CYB5R4: variants seen among roughly 807,000 people sequenced by gnomAD.
CYB5R4 encodes cytochrome b5 reductase 4, also known as N-terminal cytochrome b5 and cytochrome b5 oxidoreductase domain-containing protein.
In CYB5R4, 55 loss-of-function variants were observed where a neutral mutation model predicts 70.2. The observed-to-expected ratio is 0.78, with a 90% CI of 0.63 to 0.98. CYB5R4 has a LOEUF of 0.98. Ranked by LOEUF, CYB5R4 falls within the 50% of genes least tolerant of loss-of-function variation. The probability of loss-of-function intolerance (pLI) is 0.00; values close to 1 mark genes in which losing one functional copy is unlikely to be tolerated. For synonymous variants in CYB5R4, 197 were observed against 199.5 expected, an observed-to-expected ratio of 0.99 and a Z score of 0.11; for missense variants, 562 against 612.6, an observed-to-expected ratio of 0.92 and a Z score of 0.87.
intron 2 of CYB5R4, among the ~76,000 whole-genome samples, chr6:83,889,513 GT>G (rs1262132511): frequency 6.6e-6 from 1 of 152,138 alleles, no homozygotes; most frequent in East Asian, 1.9e-4. Flanking sequence ...TTATAGCATG[GT>G]TTACTGAATA....
chr6:83,893,805 A>C (rs2099461476), intron 3 of CYB5R4, among the ~76,000 whole-genome samples, 183 bp downstream of exon 3: 1 of 152,164 alleles, frequency 6.6e-6, no homozygotes, highest in African/African-American at 2.4e-5. Flanking sequence ...TGAGTTATTA[A>C]AATTTTAGAG....
At chr6:83,883,605 C>T (rs2099459796) in intron 2 of CYB5R4, among the ~76,000 whole-genome samples, 1 of 151,950 alleles carries the variant, frequency 6.6e-6, no homozygotes, top group Non-Finnish European at 1.5e-5. Context: ...TTCAGATAAA[C>T]CAAAACTGGA....
intron 3 of CYB5R4, among the ~76,000 whole-genome samples, chr6:83,894,255 C>G (rs1030710771): frequency 2.6e-5 from 4 of 152,158 alleles, no homozygotes; most frequent in Admixed American, 1.3e-4. Context: ...GTTGATTACT[C>G]TCAGTAATTC....
Position 83,859,710 on chromosome 6 carries a change from A to G in CYB5R4, c.-73A>G, listed in dbSNP as rs534742685. The stretch of plus-strand genomic sequence containing the variant: ...TCGGGGGCTTGGCCTCTGCCCGGCC[A>G]CAGAGCCGGAGCTGGAGGTGCTGTC... On this transcript the variant is annotated 5_prime_UTR_variant, in exon 1 of 16. Transcript: ENST00000369681. The G allele has an allele frequency of 7.1e-6, 11 of 1,543,032 alleles. No homozygotes were observed. Among genetic ancestry groups the G allele is most frequent in the Non-Finnish European group, 9.8e-6 (11 of 1,126,162 alleles).
intron 2 of CYB5R4, among the ~76,000 whole-genome samples, chr6:83,877,469 A>G (rs1402494186): frequency 1.3e-5 from 2 of 149,936 alleles, no homozygotes; most frequent in Non-Finnish European, 3.0e-5. Flanking sequence ...GGGCATCTGC[A>G]TCTGGTGAGG....
At chr6:83,907,534 G>A (rs2099463991) in intron 3 of CYB5R4, among the ~76,000 whole-genome samples, 1 of 151,372 alleles carries the variant, frequency 6.6e-6, no homozygotes, top group African/African-American at 2.4e-5. Flanking sequence ...TTGTTATATA[G>A]GTAAACTCAT....
At chr6:83,867,747 C>G (rs934007101) in intron 2 of CYB5R4, among the ~76,000 whole-genome samples, 4 of 152,216 alleles carry the variant, frequency 2.6e-5, no homozygotes, top group African/African-American at 9.6e-5. Context: ...CACAGCATGA[C>G]TCAGCGGGTT....
chr6:83,959,712 A>G, intron 15 of CYB5R4, 112 bp from the exon 16 acceptor site: 2 of 895,456 alleles, frequency 2.2e-6, no homozygotes, highest in South Asian at 1.7e-5. Context: ...AAAAAACTAC[A>G]TAGTGAATGG....
rs369486542 is a variant in CYB5R4 at position 83,880,386 on chromosome 6, G to A, written c.230-13136G>A. Among the ~76,000 whole-genome samples the A allele has an allele frequency of 7.2e-5, 11 of 152,124 alleles. No individual in the cohort carries two copies. In the South Asian group the frequency reaches 8.3e-4, roughly 11 times the overall value. On this transcript the variant is annotated intron_variant, in intron 2 of 15. Coordinates refer to ENST00000369681, the MANE Select transcript of CYB5R4 (RefSeq NM_016230.4). ...GCCATCCAGGTGACTAACAGCAAAG[G>A]TAGTTAAGTGCTGCTAACTGTCACT...
At chr6:83,873,075 A>G (rs2099457902) in intron 2 of CYB5R4, among the ~76,000 whole-genome samples, 2 of 152,092 alleles carry the variant, frequency 1.3e-5, no homozygotes, top group South Asian at 4.2e-4. Flanking sequence ...GTTTTACTAT[A>G]TTCAGCTCTA....
chr6:83,936,901 C>G (rs1223868231), intron 12 of CYB5R4, among the ~76,000 whole-genome samples: 1 of 152,216 alleles, frequency 6.6e-6, no homozygotes, highest in Non-Finnish European at 1.5e-5. Flanking sequence ...ATTTGTCATC[C>G]TCATTCACAG....
intron 14 of CYB5R4, among the ~76,000 whole-genome samples, chr6:83,954,913 G>GA (rs1240643580): frequency 7.1e-6 from 1 of 141,448 alleles, no homozygotes; most frequent in East Asian, 2.3e-4. Context: ...TGTTGTTTTT[G>GA]GGTTTTTTTT....
intron 8 of CYB5R4, 81 bp from the exon 9 acceptor site, chr6:83,922,357 G>A: frequency 9.4e-7 from 1 of 1,066,186 alleles, no homozygotes; most frequent in Non-Finnish European, 1.4e-6. Flanking sequence ...GTACATAAAA[G>A]AGCCATTTAA....
rs1319207717 is a variant in CYB5R4, at chr6:83,963,515, TGGAATCTCAAGTA to T, written c.*3639_*3651del. The T allele has an allele frequency of 1.3e-5, 2 of 152,146 alleles. No homozygotes were observed. The highest frequency in any genetic ancestry group is 2.9e-5 in the Non-Finnish European group (2 of 68,018). The allele number at this position is 152,146 out of a possible 1,614,324, so 9.4% of individuals were successfully genotyped here. A position where few individuals can be genotyped will look rare whatever the true frequency, so the allele number is the denominator to read the frequency against. ...TGGCAAATAAATTATAAAGGAAAAATGGAATCTCAAGTAGTTACAGTCTCTTGGTGTCTTTCAA... is the reference window on the plus strand; with the variant it reads ...TGGCAAATAAATTATAAAGGAAAAATGTTACAGTCTCTTGGTGTCTTTCAA... On this transcript the variant is annotated 3_prime_UTR_variant, in exon 16 of 16. Transcript: ENST00000369681.
chr6:83,914,893 G>A (rs532324084), intron 5 of CYB5R4, among the ~76,000 whole-genome samples: 3 of 150,686 alleles, frequency 2.0e-5, no homozygotes, highest in Admixed American at 6.6e-5. Flanking sequence ...AAACTTAAGA[G>A]TCTTTTGTAG....
chr6:83,950,408 A>G (rs1246005160), intron 14 of CYB5R4, among the ~76,000 whole-genome samples: 1 of 152,132 alleles, frequency 6.6e-6, no homozygotes, highest in Non-Finnish European at 1.5e-5. Context: ...CCTTCTCCCA[A>G]ATATGTGATC....
chr6:83,935,130 T>A (rs1474015444), intron 11 of CYB5R4, among the ~76,000 whole-genome samples: 1 of 152,220 alleles, frequency 6.6e-6, no homozygotes, highest in Non-Finnish European at 1.5e-5. Context: ...CTATAAAATT[T>A]AAAATAAGTG....
chr6:83,929,031 A>T (rs1033093698), intron 10 of CYB5R4, among the ~76,000 whole-genome samples: 32 of 152,158 alleles, frequency 2.1e-4, no homozygotes, highest in African/African-American at 7.5e-4. Flanking sequence ...GGGAGCTATA[A>T]TGTGTTTTTC....
At chr6:83,933,027 C>T (rs967939516) in intron 10 of CYB5R4, among the ~76,000 whole-genome samples, 1 of 152,158 alleles carries the variant, frequency 6.6e-6, no homozygotes, top group Non-Finnish European at 1.5e-5. Flanking sequence ...AATATTTATA[C>T]ATATATAGTA....
Sources: gnomAD v4.1 joint callset for allele counts (sites outside exome capture counted in the v4.1 genomes callset) on GRCh38, gnomAD v4.1.1 for gene constraint, MANE v1.5 for transcripts, NCBI Gene and HGNC (gene_info 2026-07-23, HGNC 2026-07-21) for gene names.